Variants in CENPU observed in about 807,000 individuals in gnomAD.
CENPU encodes the protein centromere protein U.
CENPU carries 46 observed loss-of-function variants against 56.7 expected under a neutral mutation model. That is an observed-to-expected ratio of 0.81 (90% CI 0.64 to 1.04). The LOEUF is 1.04. Among genes scored for constraint, CENPU ranks in the 50% least tolerant of loss-of-function variants. CENPU has a pLI of 0.00. For missense variants in CENPU, 510 were observed against 490.1 expected, an observed-to-expected ratio of 1.04 and a Z score of -0.38; for synonymous variants, 166 against 163.0, an observed-to-expected ratio of 1.02 and a Z score of -0.14.
intron 1 of CENPU, among the ~76,000 whole-genome samples, chr4:184,733,693 G>A (rs193104341): frequency 2.1e-3 from 314 of 152,302 alleles, no homozygotes; most frequent in Non-Finnish European, 3.5e-3. Flanking sequence ...CAGGCAATAC[G>A]TATTTGCTGA....
chr4:184,702,378 T>G lies in CENPU; in HGVS notation c.861A>C (p.Glu287Asp), dbSNP rs1324492338. The G allele has an allele frequency of 1.2e-6, 2 of 1,612,354 alleles. No individual in the cohort carries two copies. Among genetic ancestry groups the G allele is most frequent in the African/African-American group, 2.7e-5 (2 of 74,828 alleles). The change falls in exon 9 of 13, where the codon GAA (glutamate) becomes GAC (aspartate). Residue 287 changes from glutamate (E) to aspartate (D), a missense_variant. Transcript: ENST00000281453. ...GTGAGCTTACCATTTTGATGAATTGTTCTTTAACATTAACATAAAATGTGG... is the reference window on the plus strand; with the variant it reads ...GTGAGCTTACCATTTTGATGAATTGGTCTTTAACATTAACATAAAATGTGG... ...AIATFYVNVKEQFIKMLKESQ... is the reference protein window; with the variant it reads ...AIATFYVNVKDQFIKMLKESQ...
At chr4:184,725,397 C>T (rs2150227940) in intron 3 of CENPU, among the ~76,000 whole-genome samples, 1 of 152,346 alleles carries the variant, frequency 6.6e-6, no homozygotes, top group Middle Eastern at 3.4e-3. Context: ...CCTGAAGCAC[C>T]TGGGCTCAAG....
intron 6 of CENPU, among the ~76,000 whole-genome samples, chr4:184,715,501 T>C (rs766947868): frequency 2.0e-5 from 3 of 152,124 alleles, no homozygotes; most frequent in Non-Finnish European, 2.9e-5. Flanking sequence ...TCAGTAGAGA[T>C]GGGGTTTTGC....
At chr4:184,713,175 GAGGTC>G (rs892508749) in intron 6 of CENPU, among the ~76,000 whole-genome samples, 162 bp from the exon 7 acceptor site, 2 of 152,222 alleles carry the variant, frequency 1.3e-5, no homozygotes, top group Non-Finnish European at 2.9e-5. Flanking sequence ...CAGATCACTT[GAGGTC>G]AGGAGTTCCA....
intron 7 of CENPU, among the ~76,000 whole-genome samples, chr4:184,712,014 A>C (rs1351651954): frequency 6.6e-6 from 1 of 150,788 alleles, no homozygotes; most frequent in East Asian, 2.0e-4. Context: ...TCAGCTACTC[A>C]GGAGGCTGAG....
intron 8 of CENPU, among the ~76,000 whole-genome samples, chr4:184,706,170 G>A (rs1316584411): frequency 6.6e-6 from 1 of 152,086 alleles, no homozygotes; most frequent in Non-Finnish European, 1.5e-5. Context: ...AATTTCTAAT[G>A]TAATATAATA....
intron 12 of CENPU, among the ~76,000 whole-genome samples, chr4:184,696,632 T>G (rs1011282023): frequency 6.6e-6 from 1 of 151,846 alleles, no homozygotes; most frequent in African/African-American, 2.4e-5. Flanking sequence ...TGTCAAAACC[T>G]TAACATTGAA....
Position 184,702,377 on chromosome 4 carries a change from G to A in CENPU, c.862C>T (p.Gln288Ter), listed in dbSNP as rs1250492354. 2 of 1,611,952 alleles carry A rather than the reference G, an allele frequency of 1.2e-6. No homozygotes were observed. Among genetic ancestry groups the A allele is most frequent in the East Asian group, 4.5e-5 (2 of 44,788 alleles). Residue 288 changes from glutamine (Q) to a stop codon, truncating the protein, a stop_gained, in exon 9 of 13, where the codon CAA (glutamine) becomes TAA (stop). Coordinates refer to ENST00000281453, the MANE Select transcript of CENPU (RefSeq NM_024629.4). LOFTEE classifies it high-confidence loss of function. ...IATFYVNVKE[Q>*]FIKMLKESQM... ...CGTGAGCTTACCATTTTGATGAATT[G>A]TTCTTTAACATTAACATAAAATGTG...
At chr4:184,713,824 T>A (rs1410519731) in intron 6 of CENPU, 2 of 152,176 alleles carry the variant, frequency 1.3e-5, no homozygotes, top group African/African-American at 4.8e-5. Flanking sequence ...TATAGTGAGC[T>A]GAAGTCTAAG....
At position 184,694,532 on chromosome 4, in the gene CENPU, T is replaced by A; in HGVS notation, c.*756A>T. 1.9e-6 allele frequency: 3 copies of A among 1,611,318 alleles called. No homozygotes were observed. On this transcript the variant is annotated 3_prime_UTR_variant, in exon 13 of 13. Transcript: ENST00000281453. ...ACCACTGAAATAAAGGAAGAAGAGTTTACAACAGATGAAGCAGATGAAACT... is the reference window on the plus strand; with the variant it reads ...ACCACTGAAATAAAGGAAGAAGAGTATACAACAGATGAAGCAGATGAAACT...
intron 4 of CENPU, among the ~76,000 whole-genome samples, chr4:184,722,115 T>C (rs918753361): frequency 6.6e-6 from 1 of 151,958 alleles, no homozygotes; most frequent in Non-Finnish European, 1.5e-5. Context: ...CACAGAGAGA[T>C]AAAACAACAC....
At chr4:184,706,596 C>G (rs779569951) in intron 8 of CENPU, among the ~76,000 whole-genome samples, 4 of 152,204 alleles carry the variant, frequency 2.6e-5, no homozygotes, top group Non-Finnish European at 4.4e-5. Flanking sequence ...ATCATCAGTT[C>G]ATACTGATAT....
Position 184,695,235 on chromosome 4 carries a change from G to A in CENPU, c.*53C>T, listed in dbSNP as rs1760217025. On this transcript the variant is annotated 3_prime_UTR_variant, in exon 13 of 13. Coordinates refer to ENST00000281453, the MANE Select transcript of CENPU (RefSeq NM_024629.4). ...ATTTATAAAGGTACAGTTTCAGAAG[G>A]TAACAGCATGAGACTAGTCTTCCTA... 4 of 1,153,170 alleles carry A rather than the reference G, an allele frequency of 3.5e-6. No individual in the cohort carries two copies. The highest frequency in any genetic ancestry group is 1.5e-5 in the African/African-American group (1 of 65,982). The allele number at this position is 1,153,170 out of a possible 1,614,324, so 71.4% of individuals were successfully genotyped here. A position where few individuals can be genotyped will look rare whatever the true frequency, so the allele number is the denominator to read the frequency against.
At chr4:184,732,891 C>T (rs1029015199) in intron 1 of CENPU, among the ~76,000 whole-genome samples, 1 of 151,736 alleles carries the variant, frequency 6.6e-6, no homozygotes, top group Non-Finnish European at 1.5e-5. Context: ...AATCCCAGCT[C>T]CTCTGGAGTC....
In CENPU at chr4:184,708,154, G is replaced by A. The variant is rs546191880; in HGVS notation, c.797+1918C>T. Among the ~76,000 whole-genome samples, 6 of 150,882 alleles carry A rather than the reference G, an allele frequency of 4.0e-5. No individual in the cohort carries two copies. In the East Asian group the frequency reaches 7.8e-4, roughly 20 times the overall value. ...CAGGTGAATCGCTTGAACCTGGGAG[G>A]TGGAAGTTGCAGGGACTGAGATCGC... On this transcript the variant is annotated intron_variant, in intron 8 of 12. Transcript: ENST00000281453.
In CENPU at chr4:184,734,008, G is replaced by A. The variant is rs746858962; in HGVS notation, c.47+8C>T. ...GGCCCCGCGCTCCCGAGGGTCGGCA[G>A]TACTTACCCCTCAGACCTGTGAGGC... is the stretch of plus-strand genomic sequence containing the variant. On this transcript the variant is annotated splice_region_variant and intron_variant, in intron 1 of 12. Transcript: ENST00000281453. The A allele has an allele frequency of 1.9e-6, 3 of 1,608,774 alleles. No individual in the cohort carries two copies. The highest frequency in any genetic ancestry group is 1.1e-5 in the South Asian group (1 of 90,536).
At chr4:184,722,863 A>G (rs899079371) in intron 4 of CENPU, among the ~76,000 whole-genome samples, 29 of 152,364 alleles carry the variant, frequency 1.9e-4, no homozygotes, top group African/African-American at 6.7e-4. Context: ...TTGCTGCTCA[A>G]TCATTCCTAA....
chr4:184,703,682 A>C (rs1183047270), intron 8 of CENPU, among the ~76,000 whole-genome samples: 2 of 152,262 alleles, frequency 1.3e-5, no homozygotes, highest in Admixed American at 6.5e-5. Flanking sequence ...AAAAGAATTG[A>C]AAGCACGGAC....
At chr4:184,714,839 T>TA (rs1347794619) in intron 6 of CENPU, among the ~76,000 whole-genome samples, 1 of 152,030 alleles carries the variant, frequency 6.6e-6, no homozygotes, top group African/African-American at 2.4e-5. Context: ...TAGCAGAAGT[T>TA]AAAAAAATAC....
Sources: allele counts gnomAD v4.1 joint callset (sites outside exome capture counted in the v4.1 genomes callset), GRCh38; gene constraint gnomAD v4.1.1; transcripts MANE v1.5; gene names NCBI Gene and HGNC (gene_info 2026-07-23, HGNC 2026-07-21).